Variants in PCDHA6 observed in about 807,000 individuals in gnomAD.
PCDHA6 encodes the protein protocadherin alpha 6, also known as protocadherin alpha-6.
In PCDHA6, 55 loss-of-function variants were observed where a neutral mutation model predicts 60.3. The observed-to-expected ratio is 0.91, with a 90% CI of 0.73 to 1.14. The LOEUF (loss-of-function observed/expected upper bound fraction) is 1.14. Ranked by LOEUF, PCDHA6 falls within the 50% of genes most tolerant of loss-of-function variation. PCDHA6 has a pLI of 0.00. For missense variants in PCDHA6, 1,327 were observed against 1,256.5 expected (o/e 1.06, Z -0.85); for synonymous variants, 652 against 557.9 (o/e 1.17, Z -2.38).
At position 140,841,596 on chromosome 5, in the gene PCDHA6, G is replaced by T. The variant is rs2150318846; in HGVS notation, c.2394+11111G>T. 3.3e-5 allele frequency: 54 copies of T among 1,613,976 alleles called. No homozygotes were observed. Among genetic ancestry groups the T allele is most frequent in the South Asian group, 5.5e-5 (5 of 91,084 alleles). ...TTGTTTGTGAATTCTCGGATCGACC[G>T]CGAGGAGCTGTGCGGGCGGAGCGCG... On this transcript the variant is annotated intron_variant, in intron 1 of 3. Transcript: ENST00000529310.
chr5:140,889,424 A>G (rs2062220483), intron 1 of PCDHA6, among the ~76,000 whole-genome samples: 1 of 151,956 alleles, frequency 6.6e-6, no homozygotes, highest in African/African-American at 2.4e-5. Context: ...CGTAGATAAT[A>G]TTTTTTCAGG....
intron 1 of PCDHA6, among the ~76,000 whole-genome samples, chr5:140,900,786 A>C (rs888308882): frequency 2.0e-5 from 3 of 152,152 alleles, no homozygotes; most frequent in African/African-American, 7.2e-5. Flanking sequence ...GAAACTCCAA[A>C]CTGTTCTCCA....
At chr5:140,872,306 G>A (rs897321353) in intron 1 of PCDHA6, among the ~76,000 whole-genome samples, 4 of 151,928 alleles carry the variant, frequency 2.6e-5, no homozygotes, top group African/African-American at 9.7e-5. Context: ...CTTATATGCT[G>A]CTTTATGGAA....
chr5:140,838,562 T>C (rs893171521), intron 1 of PCDHA6, among the ~76,000 whole-genome samples: 4 of 152,018 alleles, frequency 2.6e-5, no homozygotes, highest in Non-Finnish European at 5.9e-5. Flanking sequence ...CATCCAGTAC[T>C]GTATTAGGGA....
At chr5:141,002,559 G>C (rs2098085590) in intron 3 of PCDHA6, among the ~76,000 whole-genome samples, 2 of 152,192 alleles carry the variant, frequency 1.3e-5, no homozygotes. Context: ...GGATCCACCA[G>C]TTAGTGACCA....
chr5:140,953,050 A>C (rs1169479924), intron 1 of PCDHA6, among the ~76,000 whole-genome samples: 1 of 152,122 alleles, frequency 6.6e-6, no homozygotes, highest in African/African-American at 2.4e-5. Flanking sequence ...TGATCCAATC[A>C]CCTCTCACAG....
intron 1 of PCDHA6, among the ~76,000 whole-genome samples, chr5:140,906,606 G>A (rs2072783004): frequency 6.6e-6 from 1 of 152,208 alleles, no homozygotes; most frequent in Non-Finnish European, 1.5e-5. Context: ...TACTCATTCT[G>A]TATTCCCTTT....
rs572471986 is a variant in PCDHA6, at chr5:140,873,263, A to T, written c.2394+42778A>T. The stretch of plus-strand genomic sequence containing the variant: ...ATAAAATATTTCAGACTCAAAAGTG[A>T]TTAAACCATCATACCACTTATGAAA... On this transcript the variant is annotated intron_variant, in intron 1 of 3. Coordinates refer to ENST00000529310, the MANE Select transcript of PCDHA6 (RefSeq NM_018909.4). Among the ~76,000 whole-genome samples, 8 of 152,356 alleles carry T rather than the reference A, an allele frequency of 5.3e-5. 1 individual carries two copies. Among genetic ancestry groups the T allele is most frequent in the Middle Eastern group, 6.8e-3 (2 of 294 alleles).
chr5:140,858,256 G>C, intron 1 of PCDHA6: 1 of 1,596,658 alleles, frequency 6.3e-7, no homozygotes, highest in Non-Finnish European at 8.6e-7. Context: ...TGAAGCCCAC[G>C]CTGGTGTGCT....
rs183230708 is a variant in PCDHA6, at chr5:140,914,004, A to G, written c.2395-64945A>G. Among the ~76,000 whole-genome samples, 112 of 152,288 alleles carry G rather than the reference A, an allele frequency of 7.4e-4. 1 individual carries two copies. Among genetic ancestry groups the G allele is most frequent in the Middle Eastern group, 6.8e-3 (2 of 294 alleles). On this transcript the variant is annotated intron_variant, in intron 1 of 3. Coordinates refer to ENST00000529310, the MANE Select transcript of PCDHA6 (RefSeq NM_018909.4). ...TTGTATTGTGACTAGCATATGGTCT[A>G]TCTTTGAGAATGATCCACGTGCTGA...
rs1554131180 is a variant in PCDHA6, at chr5:140,828,306, A to G, written c.215A>G (p.Glu72Gly). Residue 72 changes from glutamate (E) to glycine (G), a missense_variant, in exon 1 of 4, where the codon GAG (glutamate) becomes GGG (glycine). Coordinates refer to ENST00000529310, the MANE Select transcript of PCDHA6 (RefSeq NM_018909.4). ...RLFRMASKDREDLLEVNLQNG... is the reference protein window; with the variant it reads ...RLFRMASKDRGDLLEVNLQNG... ...TTCAGGATGGCCTCCAAAGACCGCG[A>G]GGACCTTCTGGAGGTAAATCTGCAG... 1.9e-6 allele frequency: 3 copies of G among 1,613,930 alleles called. No homozygotes were observed. Among genetic ancestry groups the G allele is most frequent in the Non-Finnish European group, 2.5e-6 (3 of 1,180,034 alleles).
chr5:140,884,628 G>A (rs2153405760), intron 1 of PCDHA6: 3 of 1,612,722 alleles, frequency 1.9e-6, no homozygotes, highest in Non-Finnish European at 2.5e-6. Context: ...GAGGGAACAG[G>A]CCAGAGGGAG....
chr5:140,999,431 C>G (rs1554256799), intron 3 of PCDHA6, among the ~76,000 whole-genome samples: 1 of 152,134 alleles, frequency 6.6e-6, no homozygotes, highest in African/African-American at 2.4e-5. Context: ...GGCCAAGTAC[C>G]TTGCCTCTTA....
At chr5:140,908,728 C>T (rs2074119712) in intron 1 of PCDHA6, among the ~76,000 whole-genome samples, 1 of 152,202 alleles carries the variant, frequency 6.6e-6, no homozygotes, top group Non-Finnish European at 1.5e-5. Context: ...GGTCATATGG[C>T]TCGAGAAACA....
rs139629080 is a variant in PCDHA6, at chr5:140,828,492, C to T, written c.401C>T (p.Pro134Leu). The change falls in exon 1 of 4, where the codon CCG becomes CTG. Residue 134 changes from proline to leucine, a missense_variant. Pro to Leu is a moderately conservative substitution (Grantham distance 98). Coordinates refer to ENST00000529310, the MANE Select transcript of PCDHA6 (RefSeq NM_018909.4). ...RDINDNPPLF[P>L]VEEQRVLIYE... is the part of the protein sequence containing the mutation. ...ATTAACGACAACCCGCCCTTGTTCC[C>T]GGTAGAGGAACAAAGAGTGCTGATT... 10 of 1,614,162 alleles carry T rather than the reference C, an allele frequency of 6.2e-6. No individual in the cohort carries two copies. The highest frequency in any genetic ancestry group is 8.5e-6 in the Non-Finnish European group (10 of 1,180,038).
In PCDHA6 at chr5:140,844,771, C is replaced by A. The variant is rs1035379460; in HGVS notation, c.2394+14286C>A. 3.4e-5 allele frequency among the ~76,000 whole-genome samples: 5 copies of A among 149,070 alleles called. 1 individual carries two copies. Among genetic ancestry groups the A allele is most frequent in the African/African-American group, 7.4e-5 (3 of 40,720 alleles). On this transcript the variant is annotated intron_variant, in intron 1 of 3. Coordinates refer to ENST00000529310, the MANE Select transcript of PCDHA6 (RefSeq NM_018909.4). Reference sequence around the variant, plus strand: ...ATAAATCTTTGAAAAATCCAAGATACTTTATTTTGGTATCTTTCAACATTT... The same window carrying A: ...ATAAATCTTTGAAAAATCCAAGATAATTTATTTTGGTATCTTTCAACATTT...
intron 1 of PCDHA6, chr5:140,967,990 G>C: frequency 6.2e-7 from 1 of 1,614,232 alleles, no homozygotes; most frequent in Non-Finnish European, 8.5e-7. Flanking sequence ...AGGCCACACT[G>C]CCTTTCCGAC....
rs1554263423 is a variant in PCDHA6 at position 141,011,323 on chromosome 5, C to T, written c.*1386C>T. 1 of 153,686 alleles carries T rather than the reference C, an allele frequency of 6.5e-6. No individual in the cohort carries two copies. The highest frequency in any genetic ancestry group is 1.5e-5 in the Non-Finnish European group (1 of 68,036). The allele number at this position is 153,686 out of a possible 1,614,324, so 9.5% of individuals were successfully genotyped here. A position where few individuals can be genotyped will look rare whatever the true frequency, so the allele number is the denominator to read the frequency against. ...TCTGAATTGCTAATCTTACTAACACCTATGATGTTACCTGAAATCAATCTC... is the reference window on the plus strand; with the variant it reads ...TCTGAATTGCTAATCTTACTAACACTTATGATGTTACCTGAAATCAATCTC... On this transcript the variant is annotated 3_prime_UTR_variant, in exon 4 of 4. Transcript: ENST00000529310.
rs578208339 is a variant in PCDHA6 at position 141,001,194 on chromosome 5, C to G, written c.2543-8433C>G. Among the ~76,000 whole-genome samples the G allele has an allele frequency of 1.1e-4, 17 of 152,218 alleles. 1 individual carries two copies. In the South Asian group the frequency reaches 3.3e-3, roughly 30 times the overall value. On this transcript the variant is annotated intron_variant, in intron 3 of 3. Coordinates refer to ENST00000529310, the MANE Select transcript of PCDHA6 (RefSeq NM_018909.4). ...ACGAGTTTTTACTTTGCACCATGCA[C>G]TTATGCTATGTGCTGTATAAGGATA...
Sources: gnomAD v4.1 joint callset for allele counts (sites outside exome capture counted in the v4.1 genomes callset) on GRCh38, gnomAD v4.1.1 for gene constraint, MANE v1.5 for transcripts, NCBI Gene and HGNC (gene_info 2026-07-23, HGNC 2026-07-21) for gene names.